RUFY3: variants seen among roughly 807,000 people sequenced by gnomAD.
The protein encoded by RUFY3 is RUN and FYVE domain containing 3, also known as protein RUFY3.
RUFY3 carries 34 observed loss-of-function variants against 84.0 expected under a neutral mutation model. The observed-to-expected ratio is 0.40, with a 90% CI of 0.31 to 0.54. The LOEUF (loss-of-function observed/expected upper bound fraction) is 0.54. Ranked by LOEUF, RUFY3 falls within the 20% of genes least tolerant of loss-of-function variation. The pLI is 0.39. For missense variants in RUFY3, 507 were observed against 736.8 expected, an observed-to-expected ratio of 0.69 and a Z score of 3.61; for synonymous variants, 242 against 252.9, an observed-to-expected ratio of 0.96 and a Z score of 0.41.
chr4:70,788,925 G>T lies in RUFY3; in HGVS notation c.1191G>T (p.Gln397His). ...ATGCCCTGGTATCTCTTCGGCAGCA[G>T]CTGGATGACCTCAGAGCTCTCAAGC... ...KQDALVSLRQ[Q>H]LDDLRALKHE... The change falls in exon 11 of 18, where the codon CAG (glutamine) becomes CAT (histidine). Residue 397 changes from glutamine (Q) to histidine (H), a missense_variant. This residue lies in a region of RUFY3 where 334 missense variants were observed against 364.1 expected (regional missense o/e 0.92). Coordinates refer to ENST00000381006, the MANE Select transcript of RUFY3 (RefSeq NM_001037442.4). 6.2e-7 allele frequency: 1 copy of T among 1,614,184 alleles called. No homozygotes were observed.
intron 5 of RUFY3, among the ~76,000 whole-genome samples, chr4:70,771,276 T>A (rs1441398325): frequency 6.6e-6 from 1 of 152,082 alleles, no homozygotes; most frequent in Non-Finnish European, 1.5e-5. Flanking sequence ...ATGCAATATC[T>A]GTGAAGCAAA....
At chr4:70,749,646 T>C (rs1478295265) in intron 1 of RUFY3, among the ~76,000 whole-genome samples, 2 of 150,978 alleles carry the variant, frequency 1.3e-5, no homozygotes, top group Non-Finnish European at 2.9e-5. Flanking sequence ...ATTACTTTTT[T>C]CTTGTCTTGT....
intron 10 of RUFY3, among the ~76,000 whole-genome samples, chr4:70,787,158 C>A (rs566225096): frequency 2.0e-4 from 21 of 102,770 alleles, no homozygotes; most frequent in African/African-American, 8.5e-4. Context: ...CAAAGTGAGA[C>A]CCTGTCTCAG....
intron 1 of RUFY3, among the ~76,000 whole-genome samples, chr4:70,708,888 A>T (rs184675099): frequency 0.031 from 4,749 of 152,018 alleles, 182 homozygotes; most frequent in African/African-American, 0.084. Context: ...CAAAAAAAAA[A>T]TTTTTTAAAT....
chr4:70,788,050 G>A (rs1001880883), intron 10 of RUFY3, among the ~76,000 whole-genome samples: 1 of 142,828 alleles, frequency 7.0e-6, no homozygotes, highest in Admixed American at 7.3e-5. Flanking sequence ...ACTTTGGGAG[G>A]CTGAGGCGGG....
At position 70,741,813 on chromosome 4, in the gene RUFY3, T is replaced by TA. The variant is rs1446572922; in HGVS notation, c.178+19064dup. ...TTCCCATGGCAATAAGTGGAAATCTTAATGTTTTGGTTCCAAGTAAAATAG... is the reference window on the plus strand; with the variant it reads ...TTCCCATGGCAATAAGTGGAAATCTTAAATGTTTTGGTTCCAAGTAAAATAG... On this transcript the variant is annotated intron_variant, in intron 1 of 17. Transcript: ENST00000381006. The TA allele has an allele frequency of 8.3e-6, 5 of 601,410 alleles. No individual in the cohort carries two copies. The African/African-American group carries it at 9.6e-5, about 12-fold the overall frequency. The allele number at this position is 601,410 out of a possible 1,614,324, so 37.3% of individuals were successfully genotyped here.
intron 14 of RUFY3, 43 bp from the exon 15 acceptor site, chr4:70,800,098 G>T (rs1407261767): frequency 3.2e-6 from 5 of 1,565,896 alleles, no homozygotes; most frequent in Non-Finnish European, 4.4e-6. Flanking sequence ...TCATTATTTA[G>T]CATTCTGAAT....
rs1347116618 is a variant in RUFY3, at chr4:70,793,114, T to A, written c.1338-671T>A. 6 of 985,280 alleles carry A rather than the reference T, an allele frequency of 6.1e-6. No individual in the cohort carries two copies. The African/African-American group carries it at 1.0e-4, about 17-fold the overall frequency. 61.0% of individuals were successfully genotyped at this position (985,280 alleles called of 1,614,324 possible). On this transcript the variant is annotated intron_variant, in intron 12 of 17. Coordinates refer to ENST00000381006, the MANE Select transcript of RUFY3 (RefSeq NM_001037442.4). Reference sequence around the variant, plus strand: ...GAAGAAAACATCCATCAGAATCTTCTGGAGAATATGGTCAGAGTCTTAAAC... The same window carrying A: ...GAAGAAAACATCCATCAGAATCTTCAGGAGAATATGGTCAGAGTCTTAAAC...
rs1041600497 is a variant in RUFY3, at chr4:70,807,902, T to TA, written c.*1244dup. Among the ~76,000 whole-genome samples, 10 of 152,302 alleles carry TA rather than the reference T, an allele frequency of 6.6e-5. No homozygotes were observed. The highest frequency in any genetic ancestry group is 2.4e-4 in the African/African-American group (10 of 41,570). On this transcript the variant is annotated 3_prime_UTR_variant, in exon 18 of 18. Coordinates refer to ENST00000381006, the MANE Select transcript of RUFY3 (RefSeq NM_001037442.4). ...TGAGTGAGTCACGAATGAGAGCTGA[T>TA]AGATGCTTTCTTGAAAAGGGCAATA... is the stretch of plus-strand genomic sequence containing the variant.
chr4:70,788,504 G>A (rs141812267), intron 10 of RUFY3, among the ~76,000 whole-genome samples: 22 of 152,114 alleles, frequency 1.4e-4, no homozygotes, highest in East Asian at 1.4e-3. Flanking sequence ...ATCAGTTGTC[G>A]TAATATCTAC....
intron 1 of RUFY3, among the ~76,000 whole-genome samples, chr4:70,756,102 C>T (rs953289424): frequency 3.3e-5 from 5 of 152,152 alleles, no homozygotes; most frequent in South Asian, 4.1e-4. Context: ...TCCATCTAAT[C>T]GCCAAAACTA....
At chr4:70,705,319 C>G (rs996395848) in intron 1 of RUFY3, 84 of 1,337,488 alleles carry the variant, frequency 6.3e-5, no homozygotes, top group Non-Finnish European at 7.7e-5. Flanking sequence ...GGCATGGGGA[C>G]GCCCGCGGGG....
intron 16 of RUFY3, among the ~76,000 whole-genome samples, 185 bp from the exon 17 acceptor site, chr4:70,804,163 T>C (rs984967242): frequency 6.6e-6 from 1 of 152,202 alleles, no homozygotes; most frequent in Non-Finnish European, 1.5e-5. Context: ...AATTAAGAGC[T>C]GGAAGCATAA....
chr4:70,791,498 A>C, intron 12 of RUFY3: 1 of 1,383,124 alleles, frequency 7.2e-7, no homozygotes, highest in East Asian at 2.7e-5. Context: ...CAGGGTTAGA[A>C]AAATTGGTAT....
At chr4:70,792,881 C>G in intron 12 of RUFY3, 2 of 985,358 alleles carry the variant, frequency 2.0e-6, no homozygotes, top group Non-Finnish European at 2.4e-6. Flanking sequence ...CCTATATAAA[C>G]AAAGCTCCTA....
chr4:70,772,225 G>A (rs916725277), intron 5 of RUFY3, among the ~76,000 whole-genome samples: 4 of 151,968 alleles, frequency 2.6e-5, no homozygotes, highest in African/African-American at 7.2e-5. Flanking sequence ...TTGTCCTTCA[G>A]TGTCCAAAGG....
intron 13 of RUFY3, 83 bp downstream of exon 13, chr4:70,793,987 C>A: frequency 6.7e-7 from 1 of 1,497,032 alleles, no homozygotes; most frequent in Non-Finnish European, 9.0e-7. Flanking sequence ...CTCATGACTT[C>A]CAGCCAGGTT....
At chr4:70,711,632 C>G (rs1741008271) in intron 1 of RUFY3, among the ~76,000 whole-genome samples, 1 of 152,188 alleles carries the variant, frequency 6.6e-6, no homozygotes, top group Admixed American at 6.6e-5. Flanking sequence ...ATAAAAAGCA[C>G]CCACCCACAT....
chr4:70,726,929 C>T (rs1432499659), intron 1 of RUFY3, among the ~76,000 whole-genome samples: 1 of 151,878 alleles, frequency 6.6e-6, no homozygotes, highest in Non-Finnish European at 1.5e-5. Flanking sequence ...ATAGAAAATT[C>T]ATTTTGCATT....
Sources: allele counts gnomAD v4.1 joint callset (sites outside exome capture counted in the v4.1 genomes callset), GRCh38; gene constraint gnomAD v4.1.1; regional missense constraint gnomAD v4.1.1; transcripts MANE v1.5; gene names NCBI Gene and HGNC (gene_info 2026-07-23, HGNC 2026-07-21).